The following ADK variants were observed in gnomAD, a reference collection of about 807,000 sequenced individuals.
ADK encodes N6,N6-dimethyladenosine kinase.
In ADK, 24 loss-of-function variants were observed where a neutral mutation model predicts 44.7. The observed-to-expected ratio is 0.54, with a 90% CI of 0.39 to 0.76. The LOEUF is 0.76. ADK is among the 30% of genes least tolerant of loss of function. The pLI is 0.00. For synonymous variants in ADK, 128 were observed against 142.6 expected, an observed-to-expected ratio of 0.90 and a Z score of 0.73; for missense variants, 321 against 425.1, an observed-to-expected ratio of 0.76 and a Z score of 2.15.
At chr10:74,276,803 T>C (rs568160388) in intron 3 of ADK, among the ~76,000 whole-genome samples, 1 of 152,366 alleles carries the variant, frequency 6.6e-6, no homozygotes, top group Admixed American at 6.5e-5. Flanking sequence ...TGTGTAGTTA[T>C]ATGGGATTGT....
intron 8 of ADK, among the ~76,000 whole-genome samples, chr10:74,595,980 A>G (rs1851910197): frequency 7.0e-6 from 1 of 142,230 alleles, no homozygotes; most frequent in South Asian, 2.6e-4. Flanking sequence ...CTGGGCAACA[A>G]GAGCGAAATT....
chr10:74,638,793 T>G lies in ADK; in HGVS notation c.878-31390T>G, dbSNP rs189261708. Among the ~76,000 whole-genome samples, 3 of 152,240 alleles carry G rather than the reference T, an allele frequency of 2.0e-5. No individual in the cohort carries two copies. In the East Asian group the frequency reaches 5.8e-4, roughly 29 times the overall value. On this transcript the variant is annotated intron_variant, in intron 9 of 10. Coordinates refer to ENST00000539909, the MANE Select transcript of ADK (RefSeq NM_006721.4). Reference sequence around the variant, plus strand: ...AGACTAATATGAGCTCTAGTTTGTGTTTTTTGTTATTGTTTTTGTTTGTTT... The same window carrying G: ...AGACTAATATGAGCTCTAGTTTGTGGTTTTTGTTATTGTTTTTGTTTGTTT...
intron 3 of ADK, among the ~76,000 whole-genome samples, chr10:74,306,806 C>G (rs910506089): frequency 6.6e-6 from 1 of 152,206 alleles, no homozygotes; most frequent in African/African-American, 2.4e-5. Flanking sequence ...GGTCTCCGCT[C>G]TGAAACAGTC....
intron 6 of ADK, among the ~76,000 whole-genome samples, chr10:74,494,109 A>G (rs1328163072): frequency 6.6e-6 from 1 of 152,172 alleles, no homozygotes; most frequent in Admixed American, 6.5e-5. Context: ...TTAAATTAGT[A>G]TTTTAAAATA....
At chr10:74,447,848 G>T (rs2133171637) in intron 6 of ADK, among the ~76,000 whole-genome samples, 1 of 152,164 alleles carries the variant, frequency 6.6e-6, no homozygotes, top group African/African-American at 2.4e-5. Flanking sequence ...CCCTCTAAGA[G>T]TACAAAGTAC....
Position 74,268,255 on chromosome 10 carries a change from C to T in ADK, c.194+43664C>T, listed in dbSNP as rs146585978. Among the ~76,000 whole-genome samples the T allele has an allele frequency of 4.0e-3, 604 of 152,036 alleles. 8 individuals are homozygous for T. The highest frequency in any genetic ancestry group is 0.013 in the African/African-American group (538 of 41,464). ...GGAGGATTGCTTGAGCCCAGGAGTT[C>T]GAGGCTGCAGCTCGATTGCGCCACT... On this transcript the variant is annotated intron_variant, in intron 3 of 10. Coordinates refer to ENST00000539909, the MANE Select transcript of ADK (RefSeq NM_006721.4).
At chr10:74,299,570 T>C (rs1839932727) in intron 3 of ADK, among the ~76,000 whole-genome samples, 1 of 148,326 alleles carries the variant, frequency 6.7e-6, no homozygotes, top group African/African-American at 2.4e-5. Flanking sequence ...ATAAACTTTG[T>C]AGATTTCTCC....
intron 3 of ADK, among the ~76,000 whole-genome samples, chr10:74,273,280 C>G (rs1292322764): frequency 1.3e-5 from 2 of 152,126 alleles, no homozygotes; most frequent in Non-Finnish European, 2.9e-5. Context: ...CAGCACTTAT[C>G]CTGCAATCAA....
At chr10:74,419,012 G>T (rs549732032) in intron 6 of ADK, among the ~76,000 whole-genome samples, 1 of 152,310 alleles carries the variant, frequency 6.6e-6, no homozygotes, top group South Asian at 2.1e-4. Flanking sequence ...AAAAGGTAAT[G>T]AGAGTCACCC....
At chr10:74,563,849 A>T (rs1383017136) in intron 7 of ADK, among the ~76,000 whole-genome samples, 2 of 152,088 alleles carry the variant, frequency 1.3e-5, no homozygotes, top group East Asian at 3.9e-4. Flanking sequence ...TTCCCCAAAC[A>T]TCTCTCTGGT....
chr10:74,351,193 A>G (rs956969813), intron 4 of ADK, among the ~76,000 whole-genome samples: 1 of 152,252 alleles, frequency 6.6e-6, no homozygotes, highest in Non-Finnish European at 1.5e-5. Context: ...AATGCTGGCA[A>G]ACGAATCCAG....
At chr10:74,409,457 A>C (rs1310869157) in intron 6 of ADK, among the ~76,000 whole-genome samples, 3 of 152,214 alleles carry the variant, frequency 2.0e-5, no homozygotes, top group Admixed American at 2.0e-4. Context: ...GTGAAAGAAT[A>C]ATAAGTCATA....
chr10:74,578,044 T>C (rs539509970), intron 7 of ADK, among the ~76,000 whole-genome samples: 2 of 152,266 alleles, frequency 1.3e-5, no homozygotes, highest in Admixed American at 1.3e-4. Flanking sequence ...ATGAGACTTA[T>C]AGTGGCAATG....
At chr10:74,309,044 G>A (rs1410184186) in intron 3 of ADK, among the ~76,000 whole-genome samples, 1 of 151,962 alleles carries the variant, frequency 6.6e-6, no homozygotes, top group East Asian at 1.9e-4. Context: ...TATTCATATA[G>A]GAATAAATGA....
intron 3 of ADK, among the ~76,000 whole-genome samples, chr10:74,258,314 C>G (rs1845902957): frequency 6.6e-6 from 1 of 152,064 alleles, no homozygotes; most frequent in Non-Finnish European, 1.5e-5. Context: ...AATTGGTTTT[C>G]TCCTCTAAAA....
At chr10:74,435,809 T>G (rs1845162116) in intron 6 of ADK, among the ~76,000 whole-genome samples, 1 of 152,164 alleles carries the variant, frequency 6.6e-6, no homozygotes, top group Admixed American at 6.5e-5. Context: ...TAACCTTATG[T>G]CCAGCAAAAA....
chr10:74,379,016 T>C lies in ADK; in HGVS notation c.274-15125T>C, dbSNP rs191299630. ...GTTGGAGCAGAGTAATGGAGAATAG[T>C]AGACAATGGAGTTAGAGAGGCAATG... On this transcript the variant is annotated intron_variant, in intron 4 of 10. Transcript: ENST00000539909. Among the ~76,000 whole-genome samples the C allele has an allele frequency of 8.5e-5, 13 of 152,180 alleles. 1 individual carries two copies. The highest frequency in any genetic ancestry group is 7.9e-4 in the Admixed American group (12 of 15,274).
intron 7 of ADK, chr10:74,527,938 T>G: frequency 1.3e-6 from 1 of 781,128 alleles, no homozygotes; most frequent in Non-Finnish European, 2.3e-6. Context: ...TCGACTTCAT[T>G]GTGGCCTTTG....
intron 2 of ADK, among the ~76,000 whole-genome samples, chr10:74,217,185 C>A (rs7894697): frequency 6.6e-6 from 1 of 152,128 alleles, no homozygotes; most frequent in African/African-American, 2.4e-5. Flanking sequence ...ACTTTTCCGA[C>A]GGGCTTAAAA....
Sources: allele counts gnomAD v4.1 joint callset (sites outside exome capture counted in the v4.1 genomes callset), GRCh38; gene constraint gnomAD v4.1.1; transcripts MANE v1.5; gene names NCBI Gene and HGNC (gene_info 2026-07-23, HGNC 2026-07-21).